Variants in RAPGEF4 observed in about 807,000 individuals in gnomAD.
The protein encoded by RAPGEF4 is RAP guanine-nucleotide-exchange factor (GEF) 4.
RAPGEF4 carries 66 observed loss-of-function variants against 147.9 expected under a neutral mutation model. The observed-to-expected ratio is 0.45, with a 90% CI of 0.37 to 0.55. The LOEUF is 0.55. RAPGEF4 is among the 20% of genes least tolerant of loss of function. The pLI, the probability that RAPGEF4 is intolerant of heterozygous loss-of-function variation, is 0.00. For missense variants in RAPGEF4, 1,071 were observed against 1,257.3 expected (o/e 0.85, Z 2.24); for synonymous variants, 419 against 442.7 (o/e 0.95, Z 0.67).
intron 4 of RAPGEF4, among the ~76,000 whole-genome samples, chr2:172,831,773 G>A (rs115416977): frequency 3.7e-4 from 56 of 152,226 alleles, no homozygotes; most frequent in African/African-American, 1.3e-3. Context: ...TACCATGCTA[G>A]TAAATGCCAC....
intron 3 of RAPGEF4, among the ~76,000 whole-genome samples, chr2:172,813,950 A>G (rs905475501): frequency 6.6e-6 from 1 of 152,180 alleles, no homozygotes; most frequent in Non-Finnish European, 1.5e-5. Flanking sequence ...TTGAGCAAAA[A>G]AGAAGCTAGG....
intron 16 of RAPGEF4, among the ~76,000 whole-genome samples, chr2:172,998,140 A>G (rs1409484866): frequency 6.6e-6 from 1 of 152,220 alleles, no homozygotes; most frequent in Non-Finnish European, 1.5e-5. Context: ...ATGTGCACAT[A>G]ACTTGAATAT....
chr2:172,795,000 T>G, intron 1 of RAPGEF4, 25 bp from the exon 2 acceptor site: 1 of 1,587,356 alleles, frequency 6.3e-7, no homozygotes. Flanking sequence ...CTGACATAGC[T>G]TTTGTGCCTT....
intron 1 of RAPGEF4, among the ~76,000 whole-genome samples, chr2:172,763,122 G>A (rs1215498783): frequency 6.6e-6 from 1 of 152,146 alleles, no homozygotes. Flanking sequence ...AGAAACTCTG[G>A]CAGAATATGA....
chr2:172,791,250 C>G (rs1326191078), intron 1 of RAPGEF4, among the ~76,000 whole-genome samples: 1 of 152,110 alleles, frequency 6.6e-6, no homozygotes, highest in African/African-American at 2.4e-5. Context: ...GCTATTTAGA[C>G]CATAGCAGAG....
At chr2:172,873,103 T>C (rs1188154714) in intron 4 of RAPGEF4, among the ~76,000 whole-genome samples, 1 of 152,160 alleles carries the variant, frequency 6.6e-6, no homozygotes, top group Admixed American at 6.5e-5. Flanking sequence ...TGTAAATCAT[T>C]GAATACAAAG....
intron 18 of RAPGEF4, 112 bp from the exon 19 acceptor site, chr2:173,016,237 T>G: frequency 1.4e-6 from 1 of 704,308 alleles, no homozygotes; most frequent in Non-Finnish European, 2.5e-6. Flanking sequence ...GAAGCCATGG[T>G]CTGGAGATGC....
chr2:172,964,763 T>C (rs1207361532), intron 8 of RAPGEF4, among the ~76,000 whole-genome samples: 1 of 152,222 alleles, frequency 6.6e-6, no homozygotes, highest in African/African-American at 2.4e-5. Context: ...TGAACCATCA[T>C]GTTGTGGATA....
At chr2:172,989,192 C>T (rs1283159254) in intron 14 of RAPGEF4, among the ~76,000 whole-genome samples, 1 of 152,208 alleles carries the variant, frequency 6.6e-6, no homozygotes, top group Non-Finnish European at 1.5e-5. Flanking sequence ...TCCTTCCCAT[C>T]CCACTCTCCA....
intron 4 of RAPGEF4, among the ~76,000 whole-genome samples, chr2:172,830,919 C>A (rs1481041177): frequency 2.0e-5 from 3 of 152,060 alleles, no homozygotes; most frequent in African/African-American, 7.2e-5. Context: ...ACCACCAGAT[C>A]TCTTCACCAG....
In RAPGEF4 at chr2:172,814,344, A is replaced by G; in HGVS notation, c.363A>G (p.Thr121=). 6.2e-7 allele frequency: 1 copy of G among 1,614,034 alleles called. No individual in the cohort carries two copies. The highest frequency in any genetic ancestry group is 8.5e-7 in the Non-Finnish European group (1 of 1,179,992). Residue 121 remains threonine (T), a synonymous_variant, in exon 4 of 31, where the codon ACA becomes ACG. Transcript: ENST00000397081. ...TTGGAGAGTCCATTCTGGACAACAC[A>G]CCCCGCCATGCAACCATCGTTACCA... ...TAFGESILDN[T]PRHATIVTRE...
Position 172,814,300 on chromosome 2 carries a change from C to A in RAPGEF4, c.319C>A (p.Leu107Met), listed in dbSNP as rs1450247533. ...TCAGGATGCTGTGACCATCTGTACC[C>A]TGGGAATTGGGACGGCCTTTGGAGA... ...SHQDAVTICT[L>M]GIGTAFGESI... The change falls in exon 4 of 31, where the codon CTG becomes ATG. Residue 107 changes from leucine to methionine, a missense_variant. Leu to Met is a conservative substitution (Grantham distance 15). Transcript: ENST00000397081. The A allele has an allele frequency of 1.2e-6, 2 of 1,614,028 alleles. No homozygotes were observed. Among genetic ancestry groups the A allele is most frequent in the Non-Finnish European group, 1.7e-6 (2 of 1,180,032 alleles).
At position 172,988,220 on chromosome 2, in the gene RAPGEF4, C is replaced by T. The variant is rs34347501; in HGVS notation, c.1175C>T (p.Thr392Ile). Residue 392 changes from threonine (T) to isoleucine (I), a missense_variant, in exon 13 of 31, where the codon ACC becomes ATC. Physicochemically the swap from Thr to Ile is moderately conservative, Grantham distance 89 (BLOSUM62 -1). Coordinates refer to ENST00000397081, the MANE Select transcript of RAPGEF4 (RefSeq NM_007023.4). The stretch of plus-strand genomic sequence containing the variant: ...GTGTTTAACCAGGGGGAAGAAGGTA[C>T]CTCCTGGTACATTATTCTAAAAGGA... ...TVLFNQGEEG[T>I]SWYIILKGSV... 4.5e-4 allele frequency: 721 copies of T among 1,609,902 alleles called. No individual in the cohort carries two copies. Among genetic ancestry groups the T allele is most frequent in the Non-Finnish European group, 5.7e-4 (672 of 1,178,916 alleles).
intron 4 of RAPGEF4, among the ~76,000 whole-genome samples, chr2:172,908,056 C>T (rs572697139): frequency 3.9e-5 from 6 of 152,226 alleles, no homozygotes; most frequent in South Asian, 4.1e-4. Flanking sequence ...GCACACTTTC[C>T]GTAACATCAG....
chr2:172,902,200 A>G (rs1348927948), intron 4 of RAPGEF4, among the ~76,000 whole-genome samples: 2 of 152,148 alleles, frequency 1.3e-5, no homozygotes, highest in Non-Finnish European at 2.9e-5. Context: ...GCTGGAGGGA[A>G]GGCAGAGGCC....
chr2:172,994,528 G>A (rs538492836), intron 15 of RAPGEF4, among the ~76,000 whole-genome samples: 1 of 152,322 alleles, frequency 6.6e-6, no homozygotes, highest in South Asian at 2.1e-4. Flanking sequence ...TAACTAGCAG[G>A]AGTAAACAGG....
Position 172,879,717 on chromosome 2 carries a change from A to G in RAPGEF4, c.445-38085A>G, listed in dbSNP as rs1696384618. On this transcript the variant is annotated intron_variant, in intron 4 of 30. Coordinates refer to ENST00000397081, the MANE Select transcript of RAPGEF4 (RefSeq NM_007023.4). ...ACTCAGAGGCTGAGGTGGGAGGATCACTTGAACCTAGAAGGTCAAGGCTGC... is the reference window on the plus strand; with the variant it reads ...ACTCAGAGGCTGAGGTGGGAGGATCGCTTGAACCTAGAAGGTCAAGGCTGC... Among the ~76,000 whole-genome samples, 3 of 152,174 alleles carry G rather than the reference A, an allele frequency of 2.0e-5. No homozygotes were observed. In the South Asian group the frequency reaches 6.2e-4, roughly 32 times the overall value.
chr2:172,797,408 G>A (rs1686482237), intron 2 of RAPGEF4, 117 bp from the exon 3 acceptor site: 1 of 696,596 alleles, frequency 1.4e-6, no homozygotes, highest in Non-Finnish European at 2.4e-6. Flanking sequence ...ACAGATAGGG[G>A]AAGGGTGGTA....
chr2:172,862,692 C>G (rs545703758), intron 4 of RAPGEF4, among the ~76,000 whole-genome samples: 1 of 152,290 alleles, frequency 6.6e-6, no homozygotes, highest in Non-Finnish European at 1.5e-5. Flanking sequence ...ACAGATCACC[C>G]TCCCTCTTCA....
Sources: gnomAD v4.1 joint callset for allele counts (sites outside exome capture counted in the v4.1 genomes callset) on GRCh38, gnomAD v4.1.1 for gene constraint, MANE v1.5 for transcripts, NCBI Gene and HGNC (gene_info 2026-07-23, HGNC 2026-07-21) for gene names.